STEAP4: variants seen among roughly 807,000 people sequenced by gnomAD.
STEAP4 encodes metalloreductase STEAP4.
A neutral mutation model predicts 43.6 loss-of-function variants in STEAP4; 36 were observed. That is an observed-to-expected ratio of 0.83 (90% CI 0.63 to 1.09). The LOEUF (loss-of-function observed/expected upper bound fraction) is 1.09, where lower values mean the gene tolerates loss of function less well. Among genes scored for constraint, STEAP4 ranks in the 50% least tolerant of loss-of-function variants. The probability of loss-of-function intolerance (pLI) is 0.00; values close to 1 mark genes in which losing one functional copy is unlikely to be tolerated. For missense variants in STEAP4, 495 were observed against 546.5 expected, an observed-to-expected ratio of 0.91 and a Z score of 0.94; for synonymous variants, 191 against 196.7, an observed-to-expected ratio of 0.97 and a Z score of 0.24.
chr7:88,289,222 A>G (rs1244849290), intron 1 of STEAP4, among the ~76,000 whole-genome samples: 1 of 152,150 alleles, frequency 6.6e-6, no homozygotes, highest in African/African-American at 2.4e-5. Context: ...TGGAAGTACA[A>G]AAGTTTACTC....
rs1852447001 is a variant in STEAP4, at chr7:88,272,252, C to A, written c.*7146G>T. The A allele has an allele frequency of 6.6e-6, 1 of 152,178 alleles. No individual in the cohort carries two copies. The highest frequency in any genetic ancestry group is 1.5e-5 in the Non-Finnish European group (1 of 68,032). The allele number at this position is 152,178 out of a possible 1,614,324, so 9.4% of individuals were successfully genotyped here. A position where few individuals can be genotyped will look rare whatever the true frequency, so the allele number is the denominator to read the frequency against. On this transcript the variant is annotated 3_prime_UTR_variant, in exon 5 of 5. Coordinates refer to ENST00000380079, the MANE Select transcript of STEAP4 (RefSeq NM_024636.4). Reference sequence around the variant, plus strand: ...TGGATGAAAAGCACAGTTTCCTTTCCCCTTGATGGGAATAACTCTTAGTTA... The same window carrying A: ...TGGATGAAAAGCACAGTTTCCTTTCACCTTGATGGGAATAACTCTTAGTTA...
chr7:88,301,053 G>A (rs77632678), intron 1 of STEAP4, among the ~76,000 whole-genome samples: 23,369 of 152,074 alleles, frequency 0.15, 1,992 homozygotes, highest in Non-Finnish European at 0.2. Flanking sequence ...TCCCCAGCAC[G>A]TATTTTAAAG....
At chr7:88,285,756 CAAAAAAA>C (rs371254467) in intron 1 of STEAP4, among the ~76,000 whole-genome samples, 1 of 78,396 alleles carries the variant, frequency 1.3e-5, no homozygotes, top group Non-Finnish European at 2.5e-5. Flanking sequence ...GACTTTGTCT[CAAAAAAA>C]AAAAAAAAAA....
chr7:88,303,060 CCTT>C (rs1450500252), intron 1 of STEAP4, among the ~76,000 whole-genome samples: 1 of 151,072 alleles, frequency 6.6e-6, no homozygotes, highest in East Asian at 1.9e-4. Flanking sequence ...TTTCTTTTAG[CCTT>C]CTTTTTATTT....
At chr7:88,293,467 T>A (rs1290505655) in intron 1 of STEAP4, among the ~76,000 whole-genome samples, 2 of 152,200 alleles carry the variant, frequency 1.3e-5, no homozygotes, top group African/African-American at 4.8e-5. Flanking sequence ...AATTTGATGA[T>A]GTCCAATTTA....
At chr7:88,295,921 C>T (rs904014208) in intron 1 of STEAP4, among the ~76,000 whole-genome samples, 2 of 152,152 alleles carry the variant, frequency 1.3e-5, no homozygotes, top group African/African-American at 2.4e-5. Flanking sequence ...ATTTTTTCCT[C>T]TAAGTCTTCT....
chr7:88,283,863 G>T lies in STEAP4; in HGVS notation c.407C>A (p.Thr136Asn). ...TGACTGGAGAGCCCAGGCTGAGATG[G>T]TGTTAAATGCTTTTACCACGTGGGC... ...PGAHVVKAFNTISAWALQSGA... is the reference protein window; with the variant it reads ...PGAHVVKAFNNISAWALQSGA... Residue 136 changes from threonine to asparagine, a missense_variant, in exon 2 of 5, where the codon ACC becomes AAC. Physicochemically the swap from Thr to Asn is moderately conservative, Grantham distance 65 (BLOSUM62 0). Transcript: ENST00000380079. 1 of 1,614,132 alleles carries T rather than the reference G, an allele frequency of 6.2e-7. No homozygotes were observed. Among genetic ancestry groups the T allele is most frequent in the Non-Finnish European group, 8.5e-7 (1 of 1,180,020 alleles).
At chr7:88,292,638 G>A (rs1852853787) in intron 1 of STEAP4, 1 of 152,076 alleles carries the variant, frequency 6.6e-6, no homozygotes, top group Admixed American at 6.6e-5. Flanking sequence ...TATCTCATGT[G>A]TATGCTCATG....
At chr7:88,303,202 A>AC (rs1853068303) in intron 1 of STEAP4, among the ~76,000 whole-genome samples, 4 of 145,742 alleles carry the variant, frequency 2.7e-5, no homozygotes, top group African/African-American at 9.9e-5. Flanking sequence ...AAAAAAAAAA[A>AC]AAAAAAACTC....
intron 1 of STEAP4, among the ~76,000 whole-genome samples, chr7:88,295,743 C>T (rs149538134): frequency 3.7e-4 from 57 of 152,220 alleles, no homozygotes; most frequent in African/African-American, 1.3e-3. Flanking sequence ...CAAACTTAAG[C>T]GATTCTGAAG....
At chr7:88,301,182 T>C in intron 1 of STEAP4, among the ~76,000 whole-genome samples, 1 of 152,216 alleles carries the variant, frequency 6.6e-6, no homozygotes, top group Non-Finnish European at 1.5e-5. Context: ...AACCAGCTAA[T>C]TGCTTTCTCC....
rs781485643 is a variant in STEAP4 at position 88,282,862 on chromosome 7, G to A, written c.763C>T (p.Leu255Phe). 6.2e-6 allele frequency: 10 copies of A among 1,614,032 alleles called. No individual in the cohort carries two copies. Among genetic ancestry groups the A allele is most frequent in the African/African-American group, 2.7e-5 (2 of 74,916 alleles). Reference protein sequence around the residue: ...RIFPITALTLLALVYLPGVIA... With the variant: ...RIFPITALTLFALVYLPGVIA... ...ACACCAGGGAGGTAAACCAAAGCAAGCAGTGTAAGTGCTGTTATTGGAAAG... is the reference window on the plus strand; with the variant it reads ...ACACCAGGGAGGTAAACCAAAGCAAACAGTGTAAGTGCTGTTATTGGAAAG... Residue 255 changes from leucine to phenylalanine, a missense_variant, in exon 3 of 5, where the codon CTT becomes TTT. Physicochemically the swap from Leu to Phe is conservative, Grantham distance 22. Coordinates refer to ENST00000380079, the MANE Select transcript of STEAP4 (RefSeq NM_024636.4).
At chr7:88,304,020 TTCATGTCCTTTGTAG>T (rs1206034779) in intron 1 of STEAP4, 1 of 152,236 alleles carries the variant, frequency 6.6e-6, no homozygotes, top group Non-Finnish European at 1.5e-5. Context: ...CCAGTCTCTT[TTCATGTCCTTTGTAG>T]GGACATGGAT....
chr7:88,298,677 G>A (rs1852973691), intron 1 of STEAP4, among the ~76,000 whole-genome samples: 1 of 152,058 alleles, frequency 6.6e-6, no homozygotes, highest in Non-Finnish European at 1.5e-5. Flanking sequence ...CAATCCTGTA[G>A]CATGATAAAT....
In STEAP4 at chr7:88,282,771, T is replaced by C; in HGVS notation, c.854A>G (p.His285Arg). ...KYRRFPDWLD[H>R]WMLCRKQLGL... ...AAGCTGCTTTCGGCAAAGCATCCAG[T>C]GGTCAAGCCAGTCTGGGAATCGACG... The change falls in exon 3 of 5, where the codon CAC becomes CGC. Residue 285 changes from histidine (H) to arginine (R), a missense_variant. Transcript: ENST00000380079. 6.2e-7 allele frequency: 1 copy of C among 1,614,108 alleles called. No homozygotes were observed. Among genetic ancestry groups the C allele is most frequent in the South Asian group, 1.1e-5 (1 of 91,082 alleles).
chr7:88,296,569 G>T (rs968356356), intron 1 of STEAP4, among the ~76,000 whole-genome samples: 2 of 151,934 alleles, frequency 1.3e-5, no homozygotes, highest in African/African-American at 2.4e-5. Flanking sequence ...GTAATGAGCC[G>T]AAATCCATCA....
chr7:88,288,836 T>C (rs1030406054), intron 1 of STEAP4, among the ~76,000 whole-genome samples: 2 of 151,840 alleles, frequency 1.3e-5, no homozygotes, highest in African/African-American at 4.8e-5. Context: ...TAAAAAAAAA[T>C]GCAAGTTAAA....
At chr7:88,306,106 T>G (rs547179007) in intron 1 of STEAP4, among the ~76,000 whole-genome samples, 1 of 152,330 alleles carries the variant, frequency 6.6e-6, no homozygotes, top group Admixed American at 6.5e-5. Context: ...TGACCTCAAG[T>G]GATCCATCGG....
rs1563493105 is a variant in STEAP4, at chr7:88,275,596, AT to A, written c.*3801del. 3.0e-4 allele frequency: 44 copies of A among 144,972 alleles called. No homozygotes were observed. Among genetic ancestry groups the A allele is most frequent in the African/African-American group, 1.1e-3 (41 of 38,108 alleles). 9.0% of individuals were successfully genotyped at this position (144,972 alleles called of 1,614,324 possible). ...CCTGTAAGGCTATCTGTGGGCTCTC[AT>A]GGGGTGTGTGTGTGTGTGTGTGTGT... On this transcript the variant is annotated 3_prime_UTR_variant, in exon 5 of 5. Coordinates refer to ENST00000380079, the MANE Select transcript of STEAP4 (RefSeq NM_024636.4).
Sources: allele counts gnomAD v4.1 joint callset (sites outside exome capture counted in the v4.1 genomes callset), GRCh38; gene constraint gnomAD v4.1.1; transcripts MANE v1.5; gene names NCBI Gene and HGNC (gene_info 2026-07-23, HGNC 2026-07-21).